The following MSTO1 variants were observed in gnomAD, a reference collection of about 807,000 sequenced individuals.
MSTO1 encodes misato mitochondrial distribution and morphology regulator 1.
A neutral mutation model predicts 55.7 loss-of-function variants in MSTO1; 24 were observed. The observed-to-expected ratio is 0.43, with a 90% confidence interval of 0.31 to 0.61. MSTO1 has a LOEUF of 0.61. Among genes scored for constraint, MSTO1 ranks in the 20% least tolerant of loss-of-function variants. The pLI is 0.09. For synonymous variants in MSTO1, 162 were observed against 252.8 expected, an observed-to-expected ratio of 0.64 and a Z score of 3.41; for missense variants, 363 against 625.7, an observed-to-expected ratio of 0.58 and a Z score of 4.48.
At chr1:155,580,238 A>T in the MSTO1 span, among the ~76,000 whole-genome samples, 2 of 151,716 alleles carry the variant, frequency 1.3e-5, no homozygotes, top group Admixed American at 1.3e-4. Context: ...GAAAAAAAAA[A>T]AAAAGGGCCG....
In MSTO1 at chr1:155,611,475, A is replaced by G. The variant is rs1193136270; in HGVS notation, c.367-74A>G. 4 of 1,613,674 alleles carry G rather than the reference A, an allele frequency of 2.5e-6. No homozygotes were observed. The African/African-American group carries it at 5.3e-5, about 22-fold the overall frequency. ...GGAGGCTATGCGGTGTGGCCAGCCAACTCAAGGAGGACGAAGCAACCTTTG... is the reference window on the plus strand; with the variant it reads ...GGAGGCTATGCGGTGTGGCCAGCCAGCTCAAGGAGGACGAAGCAACCTTTG... On this transcript the variant is annotated intron_variant, in intron 4 of 13. Transcript: ENST00000245564.
chr1:155,570,664 A>G, the MSTO1 span, among the ~76,000 whole-genome samples: 3 of 152,152 alleles, frequency 2.0e-5, 1 homozygote, highest in South Asian at 6.2e-4. Flanking sequence ...TTTGTATGGT[A>G]TATTGTTCCG....
Position 155,614,798 on chromosome 1 carries a change from C to A in MSTO1, c.*525C>A. On this transcript the variant is annotated 3_prime_UTR_variant, in exon 14 of 14. Coordinates refer to ENST00000245564, the MANE Select transcript of MSTO1 (RefSeq NM_018116.4). ...TCTGCATTGCTGGTACTGGTTGCAT[C>A]ATCCTCATCCTCAGAGCTGGCTTCA... is the stretch of plus-strand genomic sequence containing the variant. The A allele has an allele frequency of 2.6e-6, 4 of 1,562,038 alleles. No individual in the cohort carries two copies. The highest frequency in any genetic ancestry group is 3.5e-6 in the Non-Finnish European group (4 of 1,144,446).
the MSTO1 span, among the ~76,000 whole-genome samples, chr1:155,578,817 GTTTT>G: frequency 7.4e-6 from 1 of 135,410 alleles, no homozygotes; most frequent in Non-Finnish European, 1.6e-5. Context: ...GCCCTGTGTG[GTTTT>G]TTTTTTGTTT....
chr1:155,591,328 A>G, the MSTO1 span: 11 of 1,199,030 alleles, frequency 9.2e-6, no homozygotes, highest in South Asian at 1.7e-4. Context: ...TCGACACTTA[A>G]TATTAACCAT....
chr1:155,608,727 C>G (rs1479691336), upstream of MSTO1, among the ~76,000 whole-genome samples: 1 of 151,848 alleles, frequency 6.6e-6, no homozygotes, highest in African/African-American at 2.4e-5. Context: ...TGGTCTCGAT[C>G]TCCTGACCTC....
the MSTO1 span, among the ~76,000 whole-genome samples, chr1:155,601,356 T>C: frequency 1.3e-5 from 2 of 151,622 alleles, no homozygotes; most frequent in African/African-American, 4.8e-5. Flanking sequence ...AGGCTGATTT[T>C]GAACTCCTGA....
the MSTO1 span, chr1:155,564,070 C>T: frequency 1.8e-5 from 3 of 163,840 alleles, no homozygotes; most frequent in East Asian, 1.8e-4. Flanking sequence ...TTTACTTGAT[C>T]TAGTAGTTTT....
At chr1:155,575,224 AAG>A in the MSTO1 span, among the ~76,000 whole-genome samples, 23 of 151,692 alleles carry the variant, frequency 1.5e-4, no homozygotes, top group African/African-American at 5.1e-4. Context: ...CAAAAAAAAA[AAG>A]AGAGAGAGAG....
chr1:155,581,107 ATTTG>A, the MSTO1 span, among the ~76,000 whole-genome samples: 2 of 152,034 alleles, frequency 1.3e-5, no homozygotes, highest in African/African-American at 4.8e-5. Context: ...ACTATTTGGG[ATTTG>A]TTTATCTACA....
At chr1:155,573,519 C>T in the MSTO1 span, among the ~76,000 whole-genome samples, 79 of 151,504 alleles carry the variant, frequency 5.2e-4, no homozygotes, top group Non-Finnish European at 1.0e-3. Flanking sequence ...GACCACATGG[C>T]GAAACCCTGT....
At chr1:155,603,851 C>CT in the MSTO1 span, among the ~76,000 whole-genome samples, 2 of 152,018 alleles carry the variant, frequency 1.3e-5, no homozygotes, top group Admixed American at 6.6e-5. Context: ...GAGCGAGACT[C>CT]TGTCTCCAAA....
At chr1:155,612,600 G>C in intron 9 of MSTO1, 30 bp downstream of exon 9, 1 of 1,588,970 alleles carries the variant, frequency 6.3e-7, no homozygotes, top group Non-Finnish European at 8.6e-7. Flanking sequence ...TTCTGACTGC[G>C]GCAGGCTACA....
At chr1:155,579,596 A>T in the MSTO1 span, among the ~76,000 whole-genome samples, 1 of 152,158 alleles carries the variant, frequency 6.6e-6, no homozygotes, top group Non-Finnish European at 1.5e-5. Flanking sequence ...TAGGATATAT[A>T]CCCTTGGAGT....
At chr1:155,573,535 C>T in the MSTO1 span, among the ~76,000 whole-genome samples, 5 of 150,470 alleles carry the variant, frequency 3.3e-5, no homozygotes, top group East Asian at 1.9e-4. Flanking sequence ...CCTGTCCCTA[C>T]GGAAAAAAAA....
At chr1:155,575,794 AT>A in the MSTO1 span, among the ~76,000 whole-genome samples, 2 of 139,266 alleles carry the variant, frequency 1.4e-5, no homozygotes, top group African/African-American at 2.8e-5. Context: ...GTCTTATTTT[AT>A]TTTTATTTAT....
the MSTO1 span, among the ~76,000 whole-genome samples, chr1:155,584,670 CAAAAAA>C: frequency 1.4e-5 from 1 of 72,868 alleles, no homozygotes; most frequent in African/African-American, 5.9e-5. Context: ...GAGCTTGTCT[CAAAAAA>C]AAAAAAAAAA....
the MSTO1 span, among the ~76,000 whole-genome samples, chr1:155,578,012 G>A: frequency 5.3e-5 from 8 of 152,108 alleles, no homozygotes; most frequent in Non-Finnish European, 1.0e-4. Flanking sequence ...CCAAAGAGCT[G>A]GGATTATAGG....
chr1:155,577,015 CAAAAAAAAAAAAAA>C, the MSTO1 span, among the ~76,000 whole-genome samples: 4 of 34,642 alleles, frequency 1.2e-4, no homozygotes, highest in Admixed American at 1.0e-3. Flanking sequence ...AACTCCGTCT[CAAAAAAAAAAAAAA>C]AAAAAAAAAA....
Sources: allele counts gnomAD v4.1 joint callset (sites outside exome capture counted in the v4.1 genomes callset), GRCh38; gene constraint gnomAD v4.1.1; transcripts MANE v1.5; gene names NCBI Gene and HGNC (gene_info 2026-07-23, HGNC 2026-07-21).